Variants in SRRM2 observed in about 807,000 individuals in gnomAD.
The protein encoded by SRRM2 is serine/arginine repetitive matrix protein 2.
In SRRM2, 30 loss-of-function variants were observed where a neutral mutation model predicts 213.8. That is an observed-to-expected ratio of 0.14 (90% CI 0.10 to 0.19). The LOEUF (loss-of-function observed/expected upper bound fraction) is 0.19, where lower values mean the gene tolerates loss of function less well. Among genes scored for constraint, SRRM2 ranks in the 10% least tolerant of loss-of-function variants. The pLI is 1.00. For missense variants in SRRM2, 4,904 were observed against 3,647.0 expected (o/e 1.34, Z -8.88); for synonymous variants, 2,025 against 1,377.7 (o/e 1.47, Z -10.40).
In SRRM2 at chr16:2,766,117, C is replaced by G. The variant is rs1223619160; in HGVS notation, c.5589C>G (p.Arg1863=). The change falls in exon 11 of 15, where the codon CGC becomes CGG. Residue 1863 remains arginine (R), a synonymous_variant. Transcript: ENST00000301740. This position sits in a 1 kb window ranked among gnomAD's most constrained non-coding sequence, Gnocchi z 7.0. The part of the protein sequence containing the change: ...RSRTSPAPWK[R]SRSRASPATH... ...GCACATCACCAGCCCCGTGGAAACG[C>G]TCTAGATCTCGAGCCTCTCCAGCCA... The G allele has an allele frequency of 6.2e-7, 1 of 1,614,066 alleles. No homozygotes were observed. Among genetic ancestry groups the G allele is most frequent in the African/African-American group, 1.3e-5 (1 of 74,928 alleles).
chr16:2,770,988 G>C lies in SRRM2; in HGVS notation c.*121G>C, dbSNP rs757144915. On this transcript the variant is annotated 3_prime_UTR_variant, in exon 15 of 15. Transcript: ENST00000301740. Reference sequence around the variant, plus strand: ...CTCCTTTGAACCTTGGCAGCCCTTGGATGGAGGGCTCCCTTTCCCTCCCCT... The same window carrying C: ...CTCCTTTGAACCTTGGCAGCCCTTGCATGGAGGGCTCCCTTTCCCTCCCCT... 2.6e-5 allele frequency: 32 copies of C among 1,214,406 alleles called. No individual in the cohort carries two copies. The highest frequency in any genetic ancestry group is 3.2e-5 in the Non-Finnish European group (28 of 861,858). 75.2% of individuals were successfully genotyped at this position (1,214,406 alleles called of 1,614,324 possible). A position where few individuals can be genotyped will look rare whatever the true frequency, so the allele number is the denominator to read the frequency against.
intron 12 of SRRM2, 79 bp from the exon 13 acceptor site, chr16:2,770,273 G>A: frequency 6.7e-7 from 1 of 1,483,142 alleles, no homozygotes; most frequent in Non-Finnish European, 9.0e-7. Flanking sequence ...TGGTGGTCAG[G>A]ACCTGGGCGG....
At chr16:2,760,568 A>G in intron 10 of SRRM2, 69 bp downstream of exon 10, 1 of 1,543,820 alleles carries the variant, frequency 6.5e-7, no homozygotes, top group Non-Finnish European at 8.9e-7. Flanking sequence ...ATGTGATGTG[A>G]AAGGGAGAGG....
intron 4 of SRRM2, among the ~76,000 whole-genome samples, 198 bp from the exon 5 acceptor site, chr16:2,758,272 G>A (rs562179376): frequency 1.2e-4 from 19 of 152,336 alleles, no homozygotes; most frequent in African/African-American, 3.8e-4. Flanking sequence ...GAGAGGTGGA[G>A]GCAGGAGGGT....
chr16:2,757,922 T>C lies in SRRM2; in HGVS notation c.492T>C (p.Ala164=), dbSNP rs1274889356. 9 of 1,613,940 alleles carry C rather than the reference T, an allele frequency of 5.6e-6. No individual in the cohort carries two copies. The East Asian group carries it at 1.8e-4, about 32-fold the overall frequency. ...QRRAREAKQP[A]PEPPKPYSLV... ...GTGCCCGAGAAGCTAAACAACCAGCTCCTGAGCCTCCCAAACCTTACAGGT... is the reference window on the plus strand; with the variant it reads ...GTGCCCGAGAAGCTAAACAACCAGCCCCTGAGCCTCCCAAACCTTACAGGT... Residue 164 remains alanine (A), a synonymous_variant, in exon 4 of 15, where the codon GCT becomes GCC. Coordinates refer to ENST00000301740, the MANE Select transcript of SRRM2 (RefSeq NM_016333.4).
At chr16:2,769,676 C>T (rs1465915477) in intron 12 of SRRM2, 5 of 511,902 alleles carry the variant, frequency 9.8e-6, no homozygotes, top group South Asian at 3.1e-5. Context: ...CACATGTAGC[C>T]AGAGGGACCT....
rs201661176 is a variant in SRRM2 at position 2,765,853 on chromosome 16, C to T, written c.5325C>T (p.Ser1775=). 2 of 1,614,098 alleles carry T rather than the reference C, an allele frequency of 1.2e-6. No individual in the cohort carries two copies. The highest frequency in any genetic ancestry group is 1.7e-6 in the Non-Finnish European group (2 of 1,180,024). Residue 1775 remains serine, a synonymous_variant, in exon 11 of 15, where the codon TCC becomes TCT. Coordinates refer to ENST00000301740, the MANE Select transcript of SRRM2 (RefSeq NM_016333.4). ...PKPRGLQRSR[S]RSRREKTRTT... is the part of the protein sequence containing the mutation. ...CTCGTGGACTCCAGAGGTCCCGTTCCCGCTCAAGGAGAGAGAAAACAAGAA... is the reference window on the plus strand; with the variant it reads ...CTCGTGGACTCCAGAGGTCCCGTTCTCGCTCAAGGAGAGAGAAAACAAGAA...
In SRRM2 at chr16:2,763,335, C is replaced by T. The variant is rs1424685748; in HGVS notation, c.2807C>T (p.Pro936Leu). Reference protein sequence around the residue: ...RQRSHSGSSSPSPSRVTSRTT... With the variant: ...RQRSHSGSSSLSPSRVTSRTT... Reference sequence around the variant, plus strand: ...AGAAGCCATTCTGGCTCCTCTTCTCCAAGTCCTAGTAGGGTGACGTCGAGA... The same window carrying T: ...AGAAGCCATTCTGGCTCCTCTTCTCTAAGTCCTAGTAGGGTGACGTCGAGA... The change falls in exon 11 of 15, where the codon CCA (proline) becomes CTA (leucine). Residue 936 changes from proline to leucine, a missense_variant. Pro to Leu is a moderately conservative substitution (Grantham distance 98). Coordinates refer to ENST00000301740, the MANE Select transcript of SRRM2 (RefSeq NM_016333.4). 12 of 1,614,040 alleles carry T rather than the reference C, an allele frequency of 7.4e-6. No homozygotes were observed. The highest frequency in any genetic ancestry group is 9.3e-6 in the Non-Finnish European group (11 of 1,180,044).
In SRRM2 at chr16:2,756,351, C is replaced by G. The variant is rs1478925110; in HGVS notation, c.-14C>G. ...CCCCTCAGGAGCGGTGGTGCCCCCC[C>G]CGGGCACGGGGCCATGTACAACGGG... On this transcript the variant is annotated 5_prime_UTR_variant, in exon 2 of 15. Coordinates refer to ENST00000301740, the MANE Select transcript of SRRM2 (RefSeq NM_016333.4). The G allele has an allele frequency of 1.3e-6, 2 of 1,588,988 alleles. No individual in the cohort carries two copies. The highest frequency in any genetic ancestry group is 8.5e-7 in the Non-Finnish European group (1 of 1,171,148).
At position 2,762,227 on chromosome 16, in the gene SRRM2, C is replaced by T. The variant is rs142349203; in HGVS notation, c.1699C>T (p.Pro567Ser). 40 of 1,614,120 alleles carry T rather than the reference C, an allele frequency of 2.5e-5. No homozygotes were observed. Among genetic ancestry groups the T allele is most frequent in the Non-Finnish European group, 3.3e-5 (39 of 1,180,006 alleles). Residue 567 changes from proline (P) to serine (S), a missense_variant, in exon 11 of 15, where the codon CCA becomes TCA. Coordinates refer to ENST00000301740, the MANE Select transcript of SRRM2 (RefSeq NM_016333.4). Reference sequence around the variant, plus strand: ...GCGAGGGAGGTCCCACTCTAGATCCCCAGCCACTAGGGGTAGATCTCGTTC... The same window carrying T: ...GCGAGGGAGGTCCCACTCTAGATCCTCAGCCACTAGGGGTAGATCTCGTTC... Reference protein sequence around the residue: ...ARRGRSHSRSPATRGRSRSRT... With the variant: ...ARRGRSHSRSSATRGRSRSRT...
chr16:2,768,492 TC>T, intron 11 of SRRM2: 1 of 685,514 alleles, frequency 1.5e-6, no homozygotes, highest in East Asian at 2.7e-5. Context: ...TGATAAGTTT[TC>T]CGTCTCTACA....
intron 2 of SRRM2, 71 bp downstream of exon 2, chr16:2,756,677 G>T: frequency 1.3e-6 from 2 of 1,527,522 alleles, no homozygotes; most frequent in Non-Finnish European, 1.8e-6. Flanking sequence ...GGGATGTATA[G>T]GGAGCTTAGG....
Position 2,769,190 on chromosome 16 carries a change from T to G in SRRM2, c.7927T>G (p.Ser2643Ala). 1.9e-6 allele frequency: 3 copies of G among 1,609,774 alleles called. No individual in the cohort carries two copies. Among genetic ancestry groups the G allele is most frequent in the Non-Finnish European group, 2.5e-6 (3 of 1,178,024 alleles). Residue 2643 changes from serine to alanine, a missense_variant, in exon 12 of 15, where the codon TCC becomes GCC. Transcript: ENST00000301740. ...SSSSSSSSSSSSSSSSPSPAK... is the reference protein window; with the variant it reads ...SSSSSSSSSSASSSSSPSPAK... ...TTCTTCTTCCTCCTCATCTTCCTCC[T>G]CCTCGTCGTCTTCCTCCCCTTCCCC...
chr16:2,759,949 G>A (rs2068281379), intron 9 of SRRM2: 1 of 539,912 alleles, frequency 1.9e-6, no homozygotes, highest in Admixed American at 3.3e-5. Context: ...GGGGGAGGAA[G>A]GAATCCTTAC....
chr16:2,761,770 GTCT>G lies in SRRM2; in HGVS notation c.1248_1250del (p.Ser418del), dbSNP rs766008420. ...CTAAGTCTCCCGAGAAACTTCCCCAGTCTTCTTCCTCAGAGAGCAGCCCACCAT... is the reference window on the plus strand; with the variant it reads ...CTAAGTCTCCCGAGAAACTTCCCCAGTCTTCCTCAGAGAGCAGCCCACCAT... On this transcript the variant is annotated inframe_deletion, in exon 11 of 15. Transcript: ENST00000301740. The G allele has an allele frequency of 1.3e-5, 21 of 1,613,464 alleles. No individual in the cohort carries two copies. Among genetic ancestry groups the G allele is most frequent in the East Asian group, 1.1e-4 (5 of 44,870 alleles).
intron 12 of SRRM2, 52 bp downstream of exon 12, chr16:2,769,336 A>G (rs756221985): frequency 6.6e-7 from 1 of 1,520,672 alleles, no homozygotes; most frequent in Non-Finnish European, 8.8e-7. Flanking sequence ...TGACTTGTCC[A>G]GAGAAGGGGC....
At chr16:2,768,799 C>A (rs1251309352) in intron 11 of SRRM2, 198 bp from the exon 12 acceptor site, 2 of 1,058,526 alleles carry the variant, frequency 1.9e-6, no homozygotes, top group South Asian at 2.7e-5. Flanking sequence ...CTGCGGGCCC[C>A]AGCCTGTTGC....
chr16:2,766,168 C>T lies in SRRM2; in HGVS notation c.5640C>T (p.Thr1880=). Residue 1880 remains threonine, a synonymous_variant, in exon 11 of 15, where the codon ACC becomes ACT. Coordinates refer to ENST00000301740, the MANE Select transcript of SRRM2 (RefSeq NM_016333.4). The surrounding 1 kb of genome is among the most constrained non-coding windows in gnomAD (Gnocchi z 7.0). Reference sequence around the variant, plus strand: ...CTCACCGGCGATCCAGGTCCAGAACCCCCCTGATAAGCCGACGTAGGTCCA... The same window carrying T: ...CTCACCGGCGATCCAGGTCCAGAACTCCCCTGATAAGCCGACGTAGGTCCA... ...PATHRRSRSR[T]PLISRRRSRS... The T allele has an allele frequency of 6.2e-7, 1 of 1,614,130 alleles. No homozygotes were observed. The highest frequency in any genetic ancestry group is 8.5e-7 in the Non-Finnish European group (1 of 1,180,030).
Position 2,765,939 on chromosome 16 carries a change from G to A in SRRM2, c.5411G>A (p.Ser1804Asn), listed in dbSNP as rs1169233776. The change falls in exon 11 of 15, where the codon AGC (serine) becomes AAC (asparagine). Residue 1804 changes from serine (S) to asparagine (N), a missense_variant. By Grantham distance (46) the Ser-to-Asn change is conservative. Transcript: ENST00000301740. Reference protein sequence around the residue: ...SQSTSRRRQRSRSRSRVTRRR... With the variant: ...SQSTSRRRQRNRSRSRVTRRR... ...TCAACCTCTCGGCGAAGACAGCGGA[G>A]CCGGTCAAGGTCGCGGGTTACTCGG... The A allele has an allele frequency of 6.2e-7, 1 of 1,614,216 alleles. No homozygotes were observed. The highest frequency in any genetic ancestry group is 8.5e-7 in the Non-Finnish European group (1 of 1,180,028).
Sources: gnomAD v4.1 joint callset for allele counts (sites outside exome capture counted in the v4.1 genomes callset) on GRCh38, gnomAD v4.1.1 for gene constraint, Gnocchi (gnomAD v3.1) non-coding constraint, MANE v1.5 for transcripts, NCBI Gene and HGNC (gene_info 2026-07-23, HGNC 2026-07-21) for gene names.